MBD5: variants seen among roughly 807,000 people sequenced by gnomAD.
MBD5 encodes methyl-CpG-binding domain protein 5.
A neutral mutation model predicts 117.3 loss-of-function variants in MBD5; 13 were observed. The ratio of observed to expected loss-of-function variants is 0.11; its 90% CI spans 0.07 to 0.18. The LOEUF is 0.18. Ranked by LOEUF, MBD5 falls within the 10% of genes least tolerant of loss-of-function variation. The pLI is 1.00. For synonymous variants in MBD5, 727 were observed against 766.4 expected, an observed-to-expected ratio of 0.95 and a Z score of 0.85; for missense variants, 1,879 against 2,093.8, an observed-to-expected ratio of 0.90 and a Z score of 2.00.
intron 4 of MBD5, among the ~76,000 whole-genome samples, chr2:148,443,260 TG>T (rs144705799): frequency 0.012 from 1,746 of 151,362 alleles, 97 homozygotes; most frequent in African/African-American, 0.038. Context: ...GGTGATGATA[TG>T]GAGAAAAGGG....
intron 3 of MBD5, among the ~76,000 whole-genome samples, chr2:148,258,002 C>G (rs1211158946): frequency 6.6e-6 from 1 of 152,200 alleles, no homozygotes; most frequent in African/African-American, 2.4e-5. Context: ...ACTGGCCACA[C>G]TGGAGAACTG....
At chr2:148,294,654 C>T (rs553209891) in intron 3 of MBD5, among the ~76,000 whole-genome samples, 1 of 151,998 alleles carries the variant, frequency 6.6e-6, no homozygotes, top group Non-Finnish European at 1.5e-5. Flanking sequence ...AGCCACACAC[C>T]ACCATGCCCA....
intron 2 of MBD5, among the ~76,000 whole-genome samples, chr2:148,183,098 T>C (rs909773166): frequency 3.9e-5 from 6 of 152,202 alleles, no homozygotes; most frequent in Admixed American, 3.9e-4. Flanking sequence ...TGGTTATATG[T>C]GTCAAGATGA....
chr2:148,345,180 A>G (rs574788770), intron 4 of MBD5, among the ~76,000 whole-genome samples: 117 of 150,730 alleles, frequency 7.8e-4, no homozygotes, highest in African/African-American at 2.5e-3. Context: ...GGATATATAT[A>G]TGTGTGTGTG....
intron 4 of MBD5, among the ~76,000 whole-genome samples, chr2:148,384,775 T>G (rs1442742842): frequency 6.6e-6 from 1 of 151,900 alleles, no homozygotes; most frequent in East Asian, 1.9e-4. Flanking sequence ...TATAGACCAA[T>G]GGAACAGAAC....
chr2:148,269,234 TTC>T (rs920639746), intron 3 of MBD5, among the ~76,000 whole-genome samples: 6 of 152,046 alleles, frequency 3.9e-5, no homozygotes, highest in Non-Finnish European at 7.4e-5. Flanking sequence ...CCTCTTATTT[TTC>T]TCTGTTTCTT....
At chr2:148,195,422 T>TGAAAGAA in intron 2 of MBD5, among the ~76,000 whole-genome samples, 1 of 152,302 alleles carries the variant, frequency 6.6e-6, no homozygotes, top group East Asian at 1.9e-4. Context: ...TGGTAAGAGT[T>TGAAAGAA]GAAAGAAGAA....
intron 10 of MBD5, among the ~76,000 whole-genome samples, chr2:148,486,891 T>C (rs1483319393): frequency 6.6e-6 from 1 of 152,224 alleles, no homozygotes; most frequent in Non-Finnish European, 1.5e-5. Context: ...TGATAGCATA[T>C]CAGATTTTTT....
chr2:148,426,907 C>G (rs1705810469), intron 4 of MBD5, among the ~76,000 whole-genome samples: 1 of 152,082 alleles, frequency 6.6e-6, no homozygotes, highest in African/African-American at 2.4e-5. Flanking sequence ...ACTCATCTGA[C>G]AAAGGGCTAA....
intron 2 of MBD5, among the ~76,000 whole-genome samples, chr2:148,220,727 A>G (rs1699665160): frequency 6.6e-6 from 1 of 152,186 alleles, no homozygotes; most frequent in Admixed American, 6.6e-5. Flanking sequence ...CATCACCTCA[A>G]GCATTTATCT....
intron 1 of MBD5, among the ~76,000 whole-genome samples, chr2:148,072,329 A>G (rs1695379620): frequency 6.6e-6 from 1 of 152,190 alleles, no homozygotes. Flanking sequence ...ATCTGACACA[A>G]TGCCATCCAG....
intron 4 of MBD5, among the ~76,000 whole-genome samples, chr2:148,407,511 A>C (rs1469185519): frequency 2.6e-5 from 4 of 152,150 alleles, no homozygotes; most frequent in African/African-American, 7.2e-5. Flanking sequence ...GTGATTGAAA[A>C]TATGAATTAG....
intron 1 of MBD5, among the ~76,000 whole-genome samples, chr2:148,166,987 C>T (rs1050994329): frequency 2.0e-5 from 3 of 151,842 alleles, no homozygotes; most frequent in South Asian, 2.1e-4. Flanking sequence ...TTTTTAAAGT[C>T]ACATAGGCTG....
chr2:148,042,782 C>T (rs767557869), intron 1 of MBD5, among the ~76,000 whole-genome samples: 15 of 152,040 alleles, frequency 9.9e-5, no homozygotes, highest in Non-Finnish European at 2.2e-4. Context: ...ACCTGTACAT[C>T]TGAAAAAGGA....
chr2:148,188,882 G>A (rs562999600), intron 2 of MBD5, among the ~76,000 whole-genome samples: 3 of 151,508 alleles, frequency 2.0e-5, no homozygotes, highest in East Asian at 3.9e-4. Flanking sequence ...GACAGTGGGC[G>A]CAGGCCAGTG....
At chr2:148,139,755 C>T (rs1697268065) in intron 1 of MBD5, among the ~76,000 whole-genome samples, 1 of 152,138 alleles carries the variant, frequency 6.6e-6, no homozygotes, top group Non-Finnish European at 1.5e-5. Flanking sequence ...CCCATTATCT[C>T]TCAATATGTT....
At chr2:148,197,429 T>G (rs1699017290) in intron 2 of MBD5, among the ~76,000 whole-genome samples, 1 of 152,192 alleles carries the variant, frequency 6.6e-6, no homozygotes, top group African/African-American at 2.4e-5. Context: ...CAAAAAAAGG[T>G]TCTGTTTCCA....
intron 2 of MBD5, among the ~76,000 whole-genome samples, chr2:148,218,132 T>G (rs2106052012): frequency 6.6e-6 from 1 of 152,296 alleles, no homozygotes; most frequent in South Asian, 2.1e-4. Flanking sequence ...GCATGGGACT[T>G]AAGAGTATAA....
intron 1 of MBD5, among the ~76,000 whole-genome samples, chr2:148,048,724 G>T (rs1694609790): frequency 6.6e-6 from 1 of 152,100 alleles, no homozygotes; most frequent in Non-Finnish European, 1.5e-5. Flanking sequence ...CACTAAAAGA[G>T]AAAAGAATGG....
Sources: allele counts gnomAD v4.1 joint callset (sites outside exome capture counted in the v4.1 genomes callset), GRCh38; gene constraint gnomAD v4.1.1; transcripts MANE v1.5; gene names NCBI Gene and HGNC (gene_info 2026-07-23, HGNC 2026-07-21).